MGAT4C: variants seen among roughly 807,000 people sequenced by gnomAD.
MGAT4C encodes the protein alpha-1,3-mannosyl-glycoprotein 4-beta-N-acetylglucosaminyltransferase C.
Under a neutral mutation model 40.1 loss-of-function variants are expected in MGAT4C, and 19 were observed. The ratio of observed to expected loss-of-function variants is 0.47; its 90% CI spans 0.33 to 0.70. The LOEUF is 0.70. MGAT4C is among the 30% of genes least tolerant of loss of function. The probability of loss-of-function intolerance (pLI) is 0.02; values close to 1 mark genes in which losing one functional copy is unlikely to be tolerated. For missense variants in MGAT4C, 491 were observed against 563.2 expected, an observed-to-expected ratio of 0.87 and a Z score of 1.30; for synonymous variants, 181 against 187.1, an observed-to-expected ratio of 0.97 and a Z score of 0.27.
At chr12:85,993,803 C>G (rs919973281) in intron 2 of MGAT4C, among the ~76,000 whole-genome samples, 1 of 152,176 alleles carries the variant, frequency 6.6e-6, no homozygotes, top group Non-Finnish European at 1.5e-5. Context: ...CTTGTGGACC[C>G]GCAGACCCCA....
At chr12:86,106,519 G>C (rs1876212295) in intron 1 of MGAT4C, among the ~76,000 whole-genome samples, 1 of 152,112 alleles carries the variant, frequency 6.6e-6, no homozygotes, top group Admixed American at 6.5e-5. Context: ...TATCCAGGCT[G>C]TTCTTGAACT....
At chr12:86,020,656 C>G (rs1295291222) in intron 2 of MGAT4C, among the ~76,000 whole-genome samples, 5 of 152,126 alleles carry the variant, frequency 3.3e-5, no homozygotes, top group Non-Finnish European at 1.5e-5. Flanking sequence ...TAGGCAATAC[C>G]ATCCAGGACA....
At chr12:86,195,367 G>T (rs150093682) in intron 1 of MGAT4C, among the ~76,000 whole-genome samples, 1 of 151,900 alleles carries the variant, frequency 6.6e-6, no homozygotes, top group African/African-American at 2.4e-5. Flanking sequence ...TTTCTTATTG[G>T]ATTATAGTGA....
At position 86,782,243 on chromosome 12, in the gene MGAT4C, G is replaced by A. The variant is rs1342335994; in HGVS notation, c.-261-55002C>T. 5.7e-5 allele frequency among the ~76,000 whole-genome samples: 8 copies of A among 141,418 alleles called. No individual in the cohort carries two copies. The East Asian group carries it at 8.7e-4, about 15-fold the overall frequency. The allele number at this position is 141,418 out of a possible 152,430, so 92.8% of individuals were successfully genotyped here. ...GTCGCCCAGGCTGGAGTGCAGTGGC[G>A]GGATCTCGGCTCACTGCAAGCTCCG... On this transcript the variant is annotated intron_variant, in intron 1 of 7. Transcript: ENST00000548651.
At chr12:86,495,793 T>G (rs1592917850) in intron 2 of MGAT4C, among the ~76,000 whole-genome samples, 1 of 152,122 alleles carries the variant, frequency 6.6e-6, no homozygotes, top group South Asian at 2.1e-4. Context: ...CCTCAGTAAC[T>G]CATAATAGTT....
chr12:86,601,499 C>T (rs1264942340), intron 2 of MGAT4C, among the ~76,000 whole-genome samples: 1 of 152,090 alleles, frequency 6.6e-6, no homozygotes, highest in Non-Finnish European at 1.5e-5. Context: ...TGTGTCCGGT[C>T]TCATCTCCTT....
At chr12:86,763,029 A>C (rs1202963646) in intron 1 of MGAT4C, among the ~76,000 whole-genome samples, 8 of 152,192 alleles carry the variant, frequency 5.3e-5, no homozygotes, top group Non-Finnish European at 1.2e-4. Context: ...TGATATTTTG[A>C]GAAGGAACAA....
chr12:86,280,698 CTT>C (rs34560267), intron 4 of MGAT4C, among the ~76,000 whole-genome samples: 4 of 145,646 alleles, frequency 2.7e-5, no homozygotes, highest in African/African-American at 5.0e-5. Context: ...AATTTCTATC[CTT>C]TTTTTTTTTA....
intron 2 of MGAT4C, among the ~76,000 whole-genome samples, chr12:86,474,755 G>T (rs938292232): frequency 2.0e-5 from 3 of 151,916 alleles, no homozygotes; most frequent in Admixed American, 2.0e-4. Context: ...TGGGGATATG[G>T]TCAGATTAAT....
intron 2 of MGAT4C, among the ~76,000 whole-genome samples, chr12:86,654,601 T>G (rs1963788677): frequency 6.6e-6 from 1 of 151,986 alleles, no homozygotes; most frequent in Non-Finnish European, 1.5e-5. Context: ...ACCTGGCCTC[T>G]TTATGGAATC....
chr12:86,432,608 T>C (rs1250022053), intron 3 of MGAT4C, among the ~76,000 whole-genome samples: 1 of 152,036 alleles, frequency 6.6e-6, no homozygotes, highest in African/African-American at 2.4e-5. Context: ...GTAAGCTTTG[T>C]AGATTTGTAG....
At chr12:86,321,380 A>G (rs1233223211) in intron 4 of MGAT4C, among the ~76,000 whole-genome samples, 3 of 152,192 alleles carry the variant, frequency 2.0e-5, no homozygotes, top group Admixed American at 6.5e-5. Context: ...AAAATAGATC[A>G]TTTACACTTG....
At chr12:86,281,194 A>T (rs1306781609) in intron 4 of MGAT4C, among the ~76,000 whole-genome samples, 5 of 151,934 alleles carry the variant, frequency 3.3e-5, no homozygotes, top group East Asian at 1.9e-4. Flanking sequence ...TACATCTTCT[A>T]TTTATCAGAA....
At position 85,976,643 on chromosome 12, in the gene MGAT4C, A is replaced by AAAATTAT. The variant is rs2136671629; in HGVS notation, c.*2639_*2645dup. On this transcript the variant is annotated 3_prime_UTR_variant, in exon 5 of 5. Transcript: ENST00000611864. ...TTTTCAATTGTTATTTTTAACAAAG[A>AAAATTAT]AAATTATATATATATGTATATATAT... 1 of 145,490 alleles carries AAAATTAT rather than the reference A, an allele frequency of 6.9e-6. No individual in the cohort carries two copies. Among genetic ancestry groups the AAAATTAT allele is most frequent in the East Asian group, 2.0e-4 (1 of 4,980 alleles). 9.0% of individuals were successfully genotyped at this position (145,490 alleles called of 1,614,324 possible).
intron 3 of MGAT4C, among the ~76,000 whole-genome samples, chr12:86,399,528 G>T (rs1198940128): frequency 1.3e-5 from 2 of 152,194 alleles, no homozygotes; most frequent in South Asian, 4.1e-4. Context: ...TGATCTGCCT[G>T]CCTCGACCTC....
At chr12:86,702,295 T>C (rs1950376976) in intron 2 of MGAT4C, among the ~76,000 whole-genome samples, 1 of 151,992 alleles carries the variant, frequency 6.6e-6, no homozygotes, top group African/African-American at 2.4e-5. Context: ...TCCTCCCACT[T>C]TGGCCTCCCA....
rs1038954437 is a variant in MGAT4C, at chr12:86,112,330, T to C, written c.-56-62607A>G. On this transcript the variant is annotated intron_variant, in intron 1 of 4. Coordinates refer to ENST00000611864, the MANE Select transcript of MGAT4C (RefSeq NM_001351288.2). ...TTTACTTCCCCCCCACCCTTTTTTT[T>C]GTTTTTACATTAAATGCAATGAGAC... Among the ~76,000 whole-genome samples, 8 of 151,762 alleles carry C rather than the reference T, an allele frequency of 5.3e-5. 1 individual carries two copies. Among genetic ancestry groups the C allele is most frequent in the Admixed American group, 6.6e-5 (1 of 15,158 alleles).
intron 4 of MGAT4C, among the ~76,000 whole-genome samples, chr12:86,283,499 GA>G (rs1953271892): frequency 6.6e-6 from 1 of 151,842 alleles, no homozygotes; most frequent in Non-Finnish European, 1.5e-5. Flanking sequence ...CATAAGAGAA[GA>G]AAAAAATTTA....
chr12:85,997,986 T>G (rs948404427), intron 2 of MGAT4C, among the ~76,000 whole-genome samples: 2 of 152,204 alleles, frequency 1.3e-5, no homozygotes, highest in African/African-American at 4.8e-5. Flanking sequence ...AGAGGTTCTC[T>G]ATGAGGGCCC....
Sources: allele counts gnomAD v4.1 joint callset (sites outside exome capture counted in the v4.1 genomes callset), GRCh38; gene constraint gnomAD v4.1.1; transcripts MANE v1.5; gene names NCBI Gene and HGNC (gene_info 2026-07-23, HGNC 2026-07-21).